MARCHF1: variants seen among roughly 807,000 people sequenced by gnomAD.
MARCHF1 encodes membrane associated ring-CH-type finger 1.
A neutral mutation model predicts 54.2 loss-of-function variants in MARCHF1; 40 were observed. That is an observed-to-expected ratio of 0.74 (90% CI 0.57 to 0.96). The LOEUF is 0.96. MARCHF1 is among the 40% of genes least tolerant of loss of function. The pLI is 0.00. For synonymous variants in MARCHF1, 236 were observed against 236.3 expected, an observed-to-expected ratio of 1.00 and a Z score of 0.01; for missense variants, 586 against 656.5, an observed-to-expected ratio of 0.89 and a Z score of 1.17.
intron 3 of MARCHF1, among the ~76,000 whole-genome samples, chr4:163,982,149 T>C (rs1035536770): frequency 6.6e-6 from 1 of 152,236 alleles, no homozygotes; most frequent in Admixed American, 6.5e-5. Context: ...TTTCATTACA[T>C]AAAATTATTT....
At chr4:163,900,502 A>T (rs1750916386) in intron 3 of MARCHF1, among the ~76,000 whole-genome samples, 1 of 152,140 alleles carries the variant, frequency 6.6e-6, no homozygotes, top group African/African-American at 2.4e-5. Flanking sequence ...GTTGAGTTGG[A>T]TAATAAGTCT....
chr4:163,932,405 G>A (rs539191544), intron 3 of MARCHF1: 112 of 366,554 alleles, frequency 3.1e-4, no homozygotes, highest in African/African-American at 2.2e-3. Flanking sequence ...CCCTGCTGCT[G>A]CTTTATCAAC....
At chr4:164,009,294 G>T (rs1176080100) in intron 2 of MARCHF1, among the ~76,000 whole-genome samples, 2 of 151,984 alleles carry the variant, frequency 1.3e-5, no homozygotes, top group African/African-American at 2.4e-5. Context: ...TAATCAAATT[G>T]AGCCATAATA....
chr4:163,676,065 G>A (rs756198467), intron 5 of MARCHF1, among the ~76,000 whole-genome samples: 4 of 151,714 alleles, frequency 2.6e-5, no homozygotes, highest in Admixed American at 6.6e-5. Context: ...AAGATTGGCC[G>A]GGTGTGGTGG....
intron 2 of MARCHF1, among the ~76,000 whole-genome samples, chr4:164,043,768 C>T (rs1469354018): frequency 6.6e-6 from 1 of 152,124 alleles, no homozygotes; most frequent in Admixed American, 6.5e-5. Flanking sequence ...ATATAAGTTC[C>T]AATTTCAGAC....
intron 4 of MARCHF1, among the ~76,000 whole-genome samples, chr4:163,770,241 G>A (rs910468137): frequency 2.6e-5 from 4 of 152,032 alleles, no homozygotes; most frequent in Admixed American, 2.0e-4. Context: ...GCATAGGGGC[G>A]GCTGTGCCCC....
In MARCHF1 at chr4:164,133,766, G is replaced by A. The variant is rs143280293; in HGVS notation, c.-322-22104C>T. On this transcript the variant is annotated intron_variant, in intron 1 of 9. Coordinates refer to ENST00000514618, the MANE Select transcript of MARCHF1 (RefSeq NM_001394959.1). The stretch of plus-strand genomic sequence containing the variant: ...GAGCATCTGGCTGATCTCAGCAGTG[G>A]GCACTGCCCATCTACCTGCTAACTG... Among the ~76,000 whole-genome samples the A allele has an allele frequency of 1.6e-3, 250 of 152,156 alleles. 1 individual carries two copies. Among genetic ancestry groups the A allele is most frequent in the African/African-American group, 5.9e-3 (246 of 41,542 alleles).
chr4:163,679,562 G>C (rs954109413), intron 5 of MARCHF1, among the ~76,000 whole-genome samples: 19 of 151,868 alleles, frequency 1.3e-4, no homozygotes, highest in Non-Finnish European at 2.4e-4. Flanking sequence ...GCCTGGCAAC[G>C]ATAAAAGGTT....
intron 2 of MARCHF1, among the ~76,000 whole-genome samples, chr4:164,108,989 G>T (rs962460349): frequency 7.9e-5 from 12 of 151,962 alleles, no homozygotes; most frequent in African/African-American, 9.7e-5. Flanking sequence ...AAAGCAAGGG[G>T]TCTATTTTAA....
chr4:164,165,564 T>C (rs1161395314), intron 1 of MARCHF1, among the ~76,000 whole-genome samples: 3 of 152,046 alleles, frequency 2.0e-5, no homozygotes, highest in African/African-American at 7.2e-5. Flanking sequence ...TACAGCATTT[T>C]GTTATGGCCA....
intron 8 of MARCHF1, among the ~76,000 whole-genome samples, chr4:163,567,496 T>C (rs1337734779): frequency 1.3e-5 from 2 of 152,204 alleles, no homozygotes; most frequent in African/African-American, 2.4e-5. Context: ...TCTTGAATTG[T>C]AGCTCCCATA....
At chr4:164,183,204 A>G (rs996741962) in intron 1 of MARCHF1, among the ~76,000 whole-genome samples, 2 of 152,084 alleles carry the variant, frequency 1.3e-5, no homozygotes, top group Non-Finnish European at 2.9e-5. Flanking sequence ...CTCACCTCAA[A>G]TCTCTATTCC....
intron 1 of MARCHF1, among the ~76,000 whole-genome samples, chr4:164,339,876 A>T (rs1368058803): frequency 1.3e-5 from 2 of 152,208 alleles, no homozygotes; most frequent in Non-Finnish European, 2.9e-5. Context: ...GAACTCAAAG[A>T]TGTAACATTA....
intron 8 of MARCHF1, among the ~76,000 whole-genome samples, chr4:163,578,548 A>C (rs912379303): frequency 6.6e-6 from 1 of 152,188 alleles, no homozygotes; most frequent in Admixed American, 6.5e-5. Context: ...TTAACTGCTA[A>C]GTAACATTTT....
chr4:163,900,927 T>C (rs1404789644), intron 3 of MARCHF1, among the ~76,000 whole-genome samples: 1 of 152,200 alleles, frequency 6.6e-6, no homozygotes, highest in Non-Finnish European at 1.5e-5. Flanking sequence ...GGTTCCAGGA[T>C]GACATTACTA....
At chr4:163,720,212 T>C (rs2111285957) in intron 4 of MARCHF1, among the ~76,000 whole-genome samples, 1 of 152,332 alleles carries the variant, frequency 6.6e-6, no homozygotes, top group African/African-American at 2.4e-5. Context: ...GTGTAAGACG[T>C]AAGGAAGGGA....
At chr4:164,358,364 T>G (rs1255189782) in intron 1 of MARCHF1, among the ~76,000 whole-genome samples, 1 of 152,132 alleles carries the variant, frequency 6.6e-6, no homozygotes, top group Non-Finnish European at 1.5e-5. Flanking sequence ...TCAACTTATT[T>G]TGAATATGAG....
chr4:163,721,607 C>G (rs1281341970), intron 4 of MARCHF1, among the ~76,000 whole-genome samples: 1 of 152,092 alleles, frequency 6.6e-6, no homozygotes, highest in East Asian at 1.9e-4. Flanking sequence ...AGGAATGGTA[C>G]CAGCTCCTCC....
chr4:163,637,201 C>A (rs1265556287), intron 5 of MARCHF1, among the ~76,000 whole-genome samples: 1 of 152,088 alleles, frequency 6.6e-6, no homozygotes, highest in African/African-American at 2.4e-5. Flanking sequence ...GACTTCTTGT[C>A]TAAAACACCA....
Sources: allele counts gnomAD v4.1 joint callset (sites outside exome capture counted in the v4.1 genomes callset), GRCh38; gene constraint gnomAD v4.1.1; transcripts MANE v1.5; gene names NCBI Gene and HGNC (gene_info 2026-07-23, HGNC 2026-07-21).